Variants in CDYL2 observed in about 807,000 individuals in gnomAD.
CDYL2 encodes the protein chromodomain Y like 2, also known as chromodomain Y-like protein 2.
CDYL2 carries 23 observed loss-of-function variants against 49.4 expected under a neutral mutation model. That is an observed-to-expected ratio of 0.47 (90% CI 0.34 to 0.66). The LOEUF is 0.66. CDYL2 is among the 30% of genes least tolerant of loss of function. The pLI is 0.01. For synonymous variants in CDYL2, 360 were observed against 268.8 expected, an observed-to-expected ratio of 1.34 and a Z score of -3.32; for missense variants, 678 against 656.4, an observed-to-expected ratio of 1.03 and a Z score of -0.36.
intron 3 of CDYL2, among the ~76,000 whole-genome samples, chr16:80,629,072 T>G (rs1298304153): frequency 6.6e-6 from 1 of 152,080 alleles, no homozygotes; most frequent in Non-Finnish European, 1.5e-5. Context: ...GACAGGTATG[T>G]GAGGTGGGCT....
intron 1 of CDYL2, among the ~76,000 whole-genome samples, chr16:80,686,261 G>A (rs1340480536): frequency 2.0e-5 from 3 of 152,146 alleles, no homozygotes; most frequent in Non-Finnish European, 2.9e-5. Context: ...AATAACTGTT[G>A]TATTTAACTG....
At chr16:80,714,221 G>C (rs1904718010) in intron 1 of CDYL2, among the ~76,000 whole-genome samples, 1 of 151,818 alleles carries the variant, frequency 6.6e-6, no homozygotes, top group Non-Finnish European at 1.5e-5. Flanking sequence ...CTTCCATCCT[G>C]GTATCCCCTA....
At chr16:80,616,944 C>A (rs1260547978) in intron 4 of CDYL2, among the ~76,000 whole-genome samples, 1 of 152,190 alleles carries the variant, frequency 6.6e-6, no homozygotes, top group Non-Finnish European at 1.5e-5. Flanking sequence ...GCTCCACCAC[C>A]AGCAAGTGCA....
chr16:80,620,611 A>G, intron 4 of CDYL2, 152 bp downstream of exon 4: 1 of 586,802 alleles, frequency 1.7e-6, no homozygotes, highest in Non-Finnish European at 2.6e-6. Context: ...CATTTTAAAA[A>G]TGTAAGCAGA....
At position 80,682,189 on chromosome 16, in the gene CDYL2, G is replaced by A. The variant is rs560299258; in HGVS notation, c.616+2349C>T. 2.0e-5 allele frequency among the ~76,000 whole-genome samples: 3 copies of A among 152,266 alleles called. No homozygotes were observed. In the South Asian group the frequency reaches 6.2e-4, roughly 32 times the overall value. ...TACGGGCACCAGTGCTATGGGATGT[G>A]ATTAAGCAAAAGGGCCCTTTTGAAA... is the stretch of plus-strand genomic sequence containing the variant. On this transcript the variant is annotated intron_variant, in intron 2 of 6. Transcript: ENST00000570137.
chr16:80,652,004 G>A (rs898666983), intron 2 of CDYL2, among the ~76,000 whole-genome samples: 2 of 152,136 alleles, frequency 1.3e-5, no homozygotes, highest in Non-Finnish European at 2.9e-5. Flanking sequence ...CTCATTTTTA[G>A]TTTGATGCAG....
chr16:80,636,001 A>G (rs1034121383), intron 2 of CDYL2, among the ~76,000 whole-genome samples: 3 of 152,200 alleles, frequency 2.0e-5, no homozygotes, highest in Admixed American at 6.5e-5. Flanking sequence ...CGGGAAAACC[A>G]GCTAGCCATA....
intron 1 of CDYL2, among the ~76,000 whole-genome samples, chr16:80,768,880 A>C (rs773420622): frequency 6.6e-6 from 1 of 152,246 alleles, no homozygotes; most frequent in Non-Finnish European, 1.5e-5. Flanking sequence ...AATGCAGATA[A>C]AACACTTAGA....
intron 2 of CDYL2, among the ~76,000 whole-genome samples, chr16:80,663,633 C>A (rs1165014841): frequency 2.0e-5 from 3 of 151,986 alleles, no homozygotes; most frequent in South Asian, 4.1e-4. Context: ...ATTCTTCTTG[C>A]CCAGGCTGGA....
At chr16:80,674,936 T>C (rs1247596528) in intron 2 of CDYL2, among the ~76,000 whole-genome samples, 1 of 152,216 alleles carries the variant, frequency 6.6e-6, no homozygotes, top group Non-Finnish European at 1.5e-5. Flanking sequence ...TGTGTGTATA[T>C]ATGATGTGTG....
chr16:80,782,753 T>A (rs1383475595), intron 1 of CDYL2, among the ~76,000 whole-genome samples: 1 of 151,844 alleles, frequency 6.6e-6, no homozygotes, highest in Non-Finnish European at 1.5e-5. Flanking sequence ...AAACACACAG[T>A]CATCCCAATT....
chr16:80,664,589 T>A (rs1909182564), intron 2 of CDYL2, among the ~76,000 whole-genome samples: 1 of 152,160 alleles, frequency 6.6e-6, no homozygotes, highest in South Asian at 2.1e-4. Flanking sequence ...CCTCTTTAAG[T>A]GAACTGTAGG....
chr16:80,700,497 G>T (rs1386493170), intron 1 of CDYL2, among the ~76,000 whole-genome samples: 1 of 152,130 alleles, frequency 6.6e-6, no homozygotes, highest in Non-Finnish European at 1.5e-5. Context: ...TTAAAAATGG[G>T]CAAAGAAGCA....
intron 1 of CDYL2, among the ~76,000 whole-genome samples, chr16:80,743,397 C>G (rs16953932): frequency 2.6e-5 from 4 of 152,128 alleles, no homozygotes; most frequent in Non-Finnish European, 5.9e-5. Flanking sequence ...TCTTTATTTG[C>G]AGTCTAAATC....
chr16:80,777,521 T>C (rs1907127749), intron 1 of CDYL2, among the ~76,000 whole-genome samples: 1 of 151,938 alleles, frequency 6.6e-6, no homozygotes, highest in Non-Finnish European at 1.5e-5. Flanking sequence ...TCTACAACCT[T>C]AGGAAAGAGA....
intron 2 of CDYL2, among the ~76,000 whole-genome samples, chr16:80,667,761 T>C (rs781219237): frequency 3.3e-5 from 5 of 152,222 alleles, no homozygotes; most frequent in Non-Finnish European, 7.3e-5. Context: ...ATTTATCAAA[T>C]GTCTACCACA....
chr16:80,779,880 T>C (rs1346158858), intron 1 of CDYL2, among the ~76,000 whole-genome samples: 2 of 152,208 alleles, frequency 1.3e-5, no homozygotes, highest in Non-Finnish European at 2.9e-5. Flanking sequence ...ATGTGTTTTC[T>C]GTATTTTCTA....
chr16:80,645,157 G>C (rs1227832377), intron 2 of CDYL2, among the ~76,000 whole-genome samples: 1 of 152,116 alleles, frequency 6.6e-6, no homozygotes, highest in Non-Finnish European at 1.5e-5. Context: ...ATTAAACTAA[G>C]AAGCTTCTGC....
rs897981052 is a variant in CDYL2 at position 80,600,766 on chromosome 16, A to T, written c.*3622T>A. 6.7e-6 allele frequency: 1 copy of T among 149,570 alleles called. No individual in the cohort carries two copies. Among genetic ancestry groups the T allele is most frequent in the Non-Finnish European group, 1.5e-5 (1 of 67,856 alleles). 9.3% of individuals were successfully genotyped at this position (149,570 alleles called of 1,614,324 possible). A position where few individuals can be genotyped will look rare whatever the true frequency, so the allele number is the denominator to read the frequency against. On this transcript the variant is annotated 3_prime_UTR_variant, in exon 7 of 7. Transcript: ENST00000570137. ...GAAACTAGATTGGAAAATTTAATGGATGTGACTAAATTCCAAATAAAAAAA... is the reference window on the plus strand; with the variant it reads ...GAAACTAGATTGGAAAATTTAATGGTTGTGACTAAATTCCAAATAAAAAAA...
Sources: gnomAD v4.1 joint callset for allele counts (sites outside exome capture counted in the v4.1 genomes callset) on GRCh38, gnomAD v4.1.1 for gene constraint, MANE v1.5 for transcripts, NCBI Gene and HGNC (gene_info 2026-07-23, HGNC 2026-07-21) for gene names.